Variants in C4orf36 observed in about 807,000 individuals in gnomAD.
C4orf36 encodes chromosome 4 open reading frame 36.
A neutral mutation model predicts 12.2 loss-of-function variants in C4orf36; 11 were observed. The observed-to-expected ratio is 0.90, with a 90% confidence interval of 0.57 to 1.49. The LOEUF is 1.49. Ranked by LOEUF, C4orf36 falls within the 40% of genes most tolerant of loss-of-function variation. C4orf36 has a pLI of 0.00. For missense variants in C4orf36, 137 were observed against 133.9 expected (o/e 1.02, Z -0.11); for synonymous variants, 54 against 51.3 (o/e 1.05, Z -0.22).
intron 4 of C4orf36, among the ~76,000 whole-genome samples, chr4:86,880,315 A>G (rs1200648706): frequency 6.6e-6 from 1 of 152,100 alleles, no homozygotes; most frequent in Non-Finnish European, 1.5e-5. Context: ...TCTACTAAAA[A>G]TCCAAAATTA....
intron 4 of C4orf36, chr4:86,886,464 A>C (rs1482233963): frequency 6.6e-6 from 1 of 152,238 alleles, no homozygotes; most frequent in African/African-American, 2.4e-5. Context: ...ATATGAACAG[A>C]CACTTCTCAA....
intron 4 of C4orf36, among the ~76,000 whole-genome samples, chr4:86,882,346 G>C (rs1039788841): frequency 1.3e-5 from 2 of 152,116 alleles, no homozygotes; most frequent in African/African-American, 4.8e-5. Flanking sequence ...TTATGAAAAA[G>C]AATGTGTGAT....
the C4orf36 span, among the ~76,000 whole-genome samples, chr4:86,909,757 A>C: frequency 6.6e-6 from 1 of 152,160 alleles, no homozygotes; most frequent in East Asian, 1.9e-4. Context: ...ATTCTCTGCA[A>C]GACTTACAGT....
chr4:86,892,103 TC>T, intron 1 of C4orf36, 79 bp downstream of exon 1: 1 of 985,392 alleles, frequency 1.0e-6, no homozygotes, highest in Non-Finnish European at 1.2e-6. Flanking sequence ...AGGAACTGGT[TC>T]CCGGGACGGG....
At chr4:86,904,282 C>T in the C4orf36 span, among the ~76,000 whole-genome samples, 1 of 152,346 alleles carries the variant, frequency 6.6e-6, no homozygotes, top group Admixed American at 6.5e-5. Context: ...GCTCCGCCCG[C>T]GCGTTTCTCT....
intron 4 of C4orf36, among the ~76,000 whole-genome samples, chr4:86,879,085 T>C (rs1373700922): frequency 1.3e-5 from 2 of 152,170 alleles, no homozygotes; most frequent in Admixed American, 1.3e-4. Context: ...TTTGGTTTTT[T>C]TGTTTGTTTT....
the C4orf36 span, among the ~76,000 whole-genome samples, chr4:86,910,603 C>T: frequency 6.6e-6 from 1 of 151,996 alleles, no homozygotes. Flanking sequence ...AGGAGGTCAT[C>T]GAATGCCATC....
At chr4:86,900,174 TA>T in the C4orf36 span, among the ~76,000 whole-genome samples, 1 of 129,044 alleles carries the variant, frequency 7.7e-6, no homozygotes, top group South Asian at 2.2e-4. Flanking sequence ...TAGCTGGGAC[TA>T]CAGGCGCCTG....
the C4orf36 span, among the ~76,000 whole-genome samples, chr4:86,903,843 G>T: frequency 6.6e-6 from 1 of 152,126 alleles, no homozygotes; most frequent in African/African-American, 2.4e-5. Context: ...TAGACAGAGT[G>T]GTGATTGGTG....
the C4orf36 span, among the ~76,000 whole-genome samples, chr4:86,906,728 CA>C: frequency 7.5e-4 from 59 of 78,820 alleles, no homozygotes; most frequent in African/African-American, 1.8e-3. Flanking sequence ...AAGACGGTCT[CA>C]AAAAAAAAAA....
At chr4:86,914,356 G>T in the C4orf36 span, 1 of 1,046,612 alleles carries the variant, frequency 9.6e-7, no homozygotes, top group Non-Finnish European at 1.4e-6. Context: ...TTGAGTTCAT[G>T]AGCTTTCACC....
chr4:86,914,316 T>G, the C4orf36 span: 6 of 1,585,118 alleles, frequency 3.8e-6, no homozygotes, highest in Non-Finnish European at 5.2e-6. Flanking sequence ...GGGAGCCCAG[T>G]CAATACCTGT....
chr4:86,882,443 A>G (rs367749254), intron 4 of C4orf36, among the ~76,000 whole-genome samples: 76 of 152,318 alleles, frequency 5.0e-4, no homozygotes, highest in African/African-American at 1.7e-3. Flanking sequence ...TCAAGGGCTC[A>G]GGGCTCAGTT....
chr4:86,913,025 C>T, the C4orf36 span, among the ~76,000 whole-genome samples: 6 of 150,852 alleles, frequency 4.0e-5, no homozygotes, highest in African/African-American at 1.5e-4. Context: ...TAATAAACTG[C>T]TTAAAGAAGC....
At chr4:86,881,661 T>A (rs929630703) in intron 4 of C4orf36, among the ~76,000 whole-genome samples, 1 of 151,664 alleles carries the variant, frequency 6.6e-6, no homozygotes, top group Admixed American at 6.6e-5. Context: ...TGTGGATCTT[T>A]CACCATCTGA....
chr4:86,884,654 C>A (rs2149420690), intron 4 of C4orf36, among the ~76,000 whole-genome samples: 1 of 152,232 alleles, frequency 6.6e-6, no homozygotes, highest in African/African-American at 2.4e-5. Flanking sequence ...CTACTTGCTA[C>A]TTTAAAGCAC....
At chr4:86,891,698 A>G (rs1406979709) in intron 1 of C4orf36, 105 bp from the exon 2 acceptor site, 1 of 1,067,228 alleles carries the variant, frequency 9.4e-7, no homozygotes, top group Non-Finnish European at 1.3e-6. Flanking sequence ...ATAAGTGTTC[A>G]TTGAACTGGA....
intron 4 of C4orf36, among the ~76,000 whole-genome samples, chr4:86,884,773 G>A (rs1383354008): frequency 6.6e-6 from 1 of 152,148 alleles, no homozygotes; most frequent in East Asian, 1.9e-4. Context: ...TGAAGTCCTT[G>A]CCCATGCCTA....
the C4orf36 span, among the ~76,000 whole-genome samples, chr4:86,931,818 G>A: frequency 1.4e-5 from 2 of 147,150 alleles, no homozygotes; most frequent in Non-Finnish European, 1.5e-5. Context: ...GGTGGATCAC[G>A]AGGTCAGGAG....
Sources: gnomAD v4.1 joint callset for allele counts (sites outside exome capture counted in the v4.1 genomes callset) on GRCh38, gnomAD v4.1.1 for gene constraint, MANE v1.5 for transcripts, NCBI Gene and HGNC (gene_info 2026-07-23, HGNC 2026-07-21) for gene names.